The following SOX5 variants were observed in gnomAD, a reference collection of about 807,000 sequenced individuals.
SOX5 encodes the protein transcription factor SOX-5.
In SOX5, 9 loss-of-function variants were observed where a neutral mutation model predicts 92.0. That is an observed-to-expected ratio of 0.10 (90% CI 0.06 to 0.17). The LOEUF (loss-of-function observed/expected upper bound fraction) is 0.17. Ranked by LOEUF, SOX5 falls within the 10% of genes least tolerant of loss-of-function variation. The pLI is 1.00. For missense variants in SOX5, 642 were observed against 944.5 expected (o/e 0.68, Z 4.20); for synonymous variants, 344 against 336.3 (o/e 1.02, Z -0.25).
In SOX5 at chr12:23,813,353, C is replaced by T. The variant is rs540426750; in HGVS notation, c.481+32630G>A. Among the ~76,000 whole-genome samples the T allele has an allele frequency of 2.0e-5, 3 of 152,144 alleles. No homozygotes were observed. In the East Asian group the frequency reaches 5.8e-4, roughly 30 times the overall value. ...CATGTGGAAGTCCCTCTCTCCCACGCACATAACTAAACCAGCAGCCATCTG... is the reference window on the plus strand; with the variant it reads ...CATGTGGAAGTCCCTCTCTCCCACGTACATAACTAAACCAGCAGCCATCTG... On this transcript the variant is annotated intron_variant, in intron 3 of 14. Transcript: ENST00000451604.
chr12:23,792,734 G>A (rs1454692872), intron 3 of SOX5, among the ~76,000 whole-genome samples: 1 of 146,632 alleles, frequency 6.8e-6, no homozygotes, highest in Non-Finnish European at 1.5e-5. Flanking sequence ...CAACTGTATT[G>A]TCTGTATGTG....
chr12:23,968,480 C>T (rs1268918008), intron 4 of SOX5, among the ~76,000 whole-genome samples: 2 of 152,126 alleles, frequency 1.3e-5, no homozygotes, highest in Admixed American at 6.6e-5. Flanking sequence ...ATGCTGTCAT[C>T]GTGGGAGTGG....
chr12:23,912,651 A>G (rs2097364022), intron 1 of SOX5, among the ~76,000 whole-genome samples: 1 of 152,212 alleles, frequency 6.6e-6, no homozygotes, highest in Non-Finnish European at 1.5e-5. Context: ...AACATGATTC[A>G]ATAATAAAAA....
intron 1 of SOX5, among the ~76,000 whole-genome samples, chr12:23,933,726 T>C (rs1472525531): frequency 6.6e-6 from 1 of 151,558 alleles, no homozygotes; most frequent in Non-Finnish European, 1.5e-5. Context: ...CAGGATGCTC[T>C]TCAGGTACTT....
chr12:23,853,123 T>C (rs1017507637), intron 2 of SOX5, among the ~76,000 whole-genome samples: 1 of 142,784 alleles, frequency 7.0e-6, no homozygotes, highest in Non-Finnish European at 1.6e-5. Context: ...TATATATATA[T>C]ACATATATAT....
At chr12:24,550,284 G>A (rs1260825561) in intron 1 of SOX5, among the ~76,000 whole-genome samples, 1 of 152,228 alleles carries the variant, frequency 6.6e-6, no homozygotes, top group East Asian at 1.9e-4. Flanking sequence ...GTATACCAGG[G>A]AGGAAACGAT....
At chr12:24,113,009 G>C (rs1947553952) in intron 4 of SOX5, among the ~76,000 whole-genome samples, 1 of 151,626 alleles carries the variant, frequency 6.6e-6, no homozygotes, top group African/African-American at 2.4e-5. Flanking sequence ...TCAGACCAAA[G>C]CGCTCATTTT....
chr12:23,928,224 C>T (rs2139096887), intron 1 of SOX5, among the ~76,000 whole-genome samples: 1 of 152,152 alleles, frequency 6.6e-6, no homozygotes, highest in Admixed American at 6.6e-5. Flanking sequence ...ATAGGACCTA[C>T]AGTAAATCCA....
intron 1 of SOX5, among the ~76,000 whole-genome samples, chr12:23,927,714 C>T (rs1686501765): frequency 1.3e-5 from 2 of 151,670 alleles, no homozygotes; most frequent in Non-Finnish European, 2.9e-5. Context: ...CCATCTTTAA[C>T]AAATATGTAA....
intron 9 of SOX5, among the ~76,000 whole-genome samples, chr12:23,602,842 A>G (rs1425965371): frequency 1.3e-5 from 2 of 152,124 alleles, no homozygotes; most frequent in African/African-American, 4.8e-5. Flanking sequence ...GTATTTAAGA[A>G]ATGTTAAAAT....
At chr12:24,381,017 T>G (rs561062975) in intron 1 of SOX5, among the ~76,000 whole-genome samples, 4 of 152,292 alleles carry the variant, frequency 2.6e-5, no homozygotes, top group African/African-American at 9.6e-5. Flanking sequence ...ACTACTGTAA[T>G]CCTTACTTGA....
In SOX5 at chr12:24,226,580, C is replaced by T. The variant is rs1400679244; in HGVS notation, c.-76-13163G>A. Among the ~76,000 whole-genome samples, 3 of 152,096 alleles carry T rather than the reference C, an allele frequency of 2.0e-5. No homozygotes were observed. In the East Asian group the frequency reaches 5.8e-4, roughly 29 times the overall value. On this transcript the variant is annotated intron_variant, in intron 3 of 4. Coordinates refer to the SOX5 transcript ENST00000446891. ...CTTTCTCCTGGGTTCAAGCAATTCT[C>T]CTGCCTCAACCTCTGGAGTAACTGG...
chr12:23,991,756 T>C (rs990479305), intron 4 of SOX5, among the ~76,000 whole-genome samples: 4 of 151,784 alleles, frequency 2.6e-5, no homozygotes, highest in African/African-American at 9.7e-5. Flanking sequence ...GAGGTTTTTT[T>C]TTTTTTTACT....
At chr12:23,599,494 G>A (rs1032448657) in intron 9 of SOX5, among the ~76,000 whole-genome samples, 1 of 152,200 alleles carries the variant, frequency 6.6e-6, no homozygotes, top group Non-Finnish European at 1.5e-5. Flanking sequence ...GTCACGGCAA[G>A]GTTAAAAGAA....
chr12:23,923,045 C>A lies in SOX5; in HGVS notation c.38+26519G>T, dbSNP rs534802929. ...ACTGCAAGCTCCGCCTCCTGGGTTC[C>A]CGCCATTCTCCTGCCTCAGCCTCCC... On this transcript the variant is annotated intron_variant, in intron 1 of 14. Coordinates refer to ENST00000451604, the MANE Select transcript of SOX5 (RefSeq NM_006940.6). Among the ~76,000 whole-genome samples the A allele has an allele frequency of 4.6e-5, 7 of 151,836 alleles. No individual in the cohort carries two copies. The South Asian group carries it at 8.3e-4, about 18-fold the overall frequency.
At chr12:24,026,050 C>T (rs752858344) in intron 4 of SOX5, among the ~76,000 whole-genome samples, 3 of 152,058 alleles carry the variant, frequency 2.0e-5, no homozygotes, top group Non-Finnish European at 4.4e-5. Context: ...AATGACCAGA[C>T]TTAACATAGC....
chr12:24,345,072 A>C (rs1198302970), intron 2 of SOX5, among the ~76,000 whole-genome samples: 2 of 152,216 alleles, frequency 1.3e-5, no homozygotes, highest in Non-Finnish European at 2.9e-5. Flanking sequence ...TGTGCTTCTC[A>C]AACTGGAGTG....
At chr12:24,326,781 T>TACACACACACAC (rs1306084119) in intron 2 of SOX5, among the ~76,000 whole-genome samples, 2 of 42,348 alleles carry the variant, frequency 4.7e-5, no homozygotes, top group African/African-American at 1.2e-4. Context: ...CACCCATTCA[T>TACACACACACAC]ACACACACAT....
At chr12:23,771,190 A>C (rs1226754168) in intron 3 of SOX5, among the ~76,000 whole-genome samples, 1 of 113,516 alleles carries the variant, frequency 8.8e-6, no homozygotes, top group Non-Finnish European at 2.3e-5. Context: ...AATGGAGCAA[A>C]AAAAAAAAAA....
Sources: allele counts gnomAD v4.1 joint callset (sites outside exome capture counted in the v4.1 genomes callset), GRCh38; gene constraint gnomAD v4.1.1; transcripts MANE v1.5; gene names NCBI Gene and HGNC (gene_info 2026-07-23, HGNC 2026-07-21).